Variants in TERF1 observed in about 807,000 individuals in gnomAD.
The protein encoded by TERF1 is telomeric repeat-binding factor 1.
TERF1 carries 20 observed loss-of-function variants against 55.1 expected under a neutral mutation model. The ratio of observed to expected loss-of-function variants is 0.36; its 90% CI spans 0.26 to 0.53. The LOEUF is 0.53. Ranked by LOEUF, TERF1 falls within the 20% of genes least tolerant of loss-of-function variation. The pLI is 0.91. For missense variants in TERF1, 439 were observed against 535.7 expected (o/e 0.82, Z 1.78); for synonymous variants, 168 against 181.2 (o/e 0.93, Z 0.59).
chr8:73,033,152 A>G (rs1050352603), intron 8 of TERF1, among the ~76,000 whole-genome samples: 3 of 152,130 alleles, frequency 2.0e-5, no homozygotes, highest in Non-Finnish European at 4.4e-5. Context: ...ATAGGCCTGC[A>G]GTAAATATTA....
At chr8:73,040,454 G>A (rs1809785416) in intron 9 of TERF1, among the ~76,000 whole-genome samples, 1 of 152,060 alleles carries the variant, frequency 6.6e-6, no homozygotes. Context: ...TTTATTTCTT[G>A]TTGCTTTTGG....
At chr8:73,045,153 A>G (rs1809982022) in intron 9 of TERF1, among the ~76,000 whole-genome samples, 1 of 152,158 alleles carries the variant, frequency 6.6e-6, no homozygotes, top group Non-Finnish European at 1.5e-5. Flanking sequence ...ACTAGTGCAC[A>G]CAGGTTCCAA....
intron 8 of TERF1, among the ~76,000 whole-genome samples, chr8:73,034,053 T>C (rs573276324): frequency 2.6e-5 from 4 of 152,256 alleles, no homozygotes; most frequent in African/African-American, 9.6e-5. Context: ...CCAGGCTCAG[T>C]TGATCCTCCC....
At chr8:73,037,354 G>T (rs941005549) in intron 8 of TERF1, among the ~76,000 whole-genome samples, 1 of 119,756 alleles carries the variant, frequency 8.4e-6, no homozygotes, top group Non-Finnish European at 1.7e-5. Flanking sequence ...TATATTCACA[G>T]ATTCCACATC....
intron 6 of TERF1, among the ~76,000 whole-genome samples, chr8:73,029,305 T>A (rs1328178401): frequency 6.6e-6 from 1 of 152,220 alleles, no homozygotes; most frequent in Non-Finnish European, 1.5e-5. Flanking sequence ...AATACCAAAA[T>A]CCATGGATGC....
rs1454901353 is a variant in TERF1 at position 73,009,212 on chromosome 8, G to A, written c.319+7G>A. 7 of 1,605,446 alleles carry A rather than the reference G, an allele frequency of 4.4e-6. No individual in the cohort carries two copies. The South Asian group carries it at 4.4e-5, about 10-fold the overall frequency. On this transcript the variant is annotated splice_region_variant and intron_variant, in intron 1 of 9. Coordinates refer to ENST00000276603, the MANE Select transcript of TERF1 (RefSeq NM_017489.3). ...ACCCGCAACAGCGCAGAGGGTGAGT[G>A]CAGACCGCGTCCGGGCCGGGACTAC...
intron 2 of TERF1, among the ~76,000 whole-genome samples, chr8:73,015,503 AC>A (rs1203809079): frequency 6.6e-6 from 1 of 151,714 alleles, no homozygotes. Context: ...AGAATTTGAC[AC>A]CAGCCTAGGC....
At chr8:73,020,158 C>T (rs567380714) in intron 2 of TERF1, among the ~76,000 whole-genome samples, 2 of 152,250 alleles carry the variant, frequency 1.3e-5, no homozygotes, top group South Asian at 2.1e-4. Context: ...CTTGAATGTC[C>T]GAATGGGTTG....
chr8:73,014,256 A>C (rs1486413631), intron 2 of TERF1, among the ~76,000 whole-genome samples: 2 of 145,454 alleles, frequency 1.4e-5, no homozygotes, highest in African/African-American at 2.6e-5. Flanking sequence ...AAAAAAAAAA[A>C]CATAGTGCTG....
intron 8 of TERF1, among the ~76,000 whole-genome samples, chr8:73,036,192 A>T (rs984352004): frequency 6.6e-6 from 1 of 152,232 alleles, no homozygotes; most frequent in Admixed American, 6.5e-5. Context: ...TGTAACAAAT[A>T]GCAAACAAGC....
At chr8:73,012,257 A>G (rs1808307841) in intron 1 of TERF1, 1 of 152,256 alleles carries the variant, frequency 6.6e-6, no homozygotes, top group South Asian at 2.1e-4. Context: ...GTGGTACTCC[A>G]GAACCTTTAC....
intron 2 of TERF1, among the ~76,000 whole-genome samples, chr8:73,018,446 C>T (rs2975850): frequency 0.23 from 35,186 of 152,040 alleles, 4,113 homozygotes; most frequent in Middle Eastern, 0.31. Context: ...GAGGCTGAGG[C>T]GGGTGGATCA....
Position 73,047,565 on chromosome 8 carries a change from C to T in TERF1, c.*1428C>T, listed in dbSNP as rs924738357. Reference sequence around the variant, plus strand: ...AGACTAACAGAATTATTTAGCATTTCGAGTCATGTGCTTTATTTAGCAAGT... The same window carrying T: ...AGACTAACAGAATTATTTAGCATTTTGAGTCATGTGCTTTATTTAGCAAGT... On this transcript the variant is annotated 3_prime_UTR_variant, in exon 10 of 10. Transcript: ENST00000276603. 4.6e-5 allele frequency: 7 copies of T among 152,120 alleles called. No individual in the cohort carries two copies. The highest frequency in any genetic ancestry group is 9.7e-5 in the African/African-American group (4 of 41,414). 9.4% of individuals were successfully genotyped at this position (152,120 alleles called of 1,614,324 possible). A position where few individuals can be genotyped will look rare whatever the true frequency, so the allele number is the denominator to read the frequency against.
intron 6 of TERF1, among the ~76,000 whole-genome samples, chr8:73,028,544 A>C (rs771774083): frequency 2.0e-5 from 3 of 147,362 alleles, no homozygotes; most frequent in Non-Finnish European, 3.0e-5. Flanking sequence ...ATTTATTGGC[A>C]TGGCTTATAA....
Position 73,009,111 on chromosome 8 carries a change from C to T in TERF1, c.225C>T (p.Ala75=), listed in dbSNP as rs1295672839. 1 of 1,610,172 alleles carries T rather than the reference C, an allele frequency of 6.2e-7. No individual in the cohort carries two copies. The highest frequency in any genetic ancestry group is 1.1e-5 in the South Asian group (1 of 90,870). Residue 75 remains alanine (A), a synonymous_variant, in exon 1 of 10, where the codon GCC becomes GCT. Coordinates refer to ENST00000276603, the MANE Select transcript of TERF1 (RefSeq NM_017489.3). ...TGGCCGAGGCCGAGGCCGTGGCTGC[C>T]GGCTGGATGCTCGATTTCCTCTGCC... The part of the protein sequence containing the change: ...GLVAEAEAVA[A]GWMLDFLCLS...
chr8:73,014,442 C>T (rs1808410219), intron 2 of TERF1, among the ~76,000 whole-genome samples: 3 of 151,952 alleles, frequency 2.0e-5, no homozygotes, highest in Admixed American at 2.0e-4. Flanking sequence ...TTTTTACTGG[C>T]AACTATTATA....
chr8:73,047,134 A>C lies in TERF1; in HGVS notation c.*997A>C, dbSNP rs987095853. 1 of 152,192 alleles carries C rather than the reference A, an allele frequency of 6.6e-6. No individual in the cohort carries two copies. Among genetic ancestry groups the C allele is most frequent in the African/African-American group, 2.4e-5 (1 of 41,444 alleles). 9.4% of individuals were successfully genotyped at this position (152,192 alleles called of 1,614,324 possible). A position where few individuals can be genotyped will look rare whatever the true frequency, so the allele number is the denominator to read the frequency against. On this transcript the variant is annotated 3_prime_UTR_variant, in exon 10 of 10. Coordinates refer to ENST00000276603, the MANE Select transcript of TERF1 (RefSeq NM_017489.3). ...ACCCCAAACCTCAACATCACACAGT[A>C]TACTCAGCTAACAAACCTGCCCATG...
intron 6 of TERF1, among the ~76,000 whole-genome samples, chr8:73,028,571 A>ATT (rs59423351): frequency 0.36 from 37,824 of 104,256 alleles, 8,143 homozygotes; most frequent in Non-Finnish European, 0.46. Context: ...ACGTAGACCC[A>ATT]TTTTTTTTTT....
At chr8:73,044,341 T>C (rs913025246) in intron 9 of TERF1, among the ~76,000 whole-genome samples, 2 of 152,242 alleles carry the variant, frequency 1.3e-5, no homozygotes, top group African/African-American at 2.4e-5. Flanking sequence ...AGCAGAGGAA[T>C]AGCAAGAACA....
Sources: allele counts gnomAD v4.1 joint callset (sites outside exome capture counted in the v4.1 genomes callset), GRCh38; gene constraint gnomAD v4.1.1; transcripts MANE v1.5; gene names NCBI Gene and HGNC (gene_info 2026-07-23, HGNC 2026-07-21).